ADAMTS12: variants seen among roughly 807,000 people sequenced by gnomAD.
ADAMTS12 encodes the protein ADAM metallopeptidase with thrombospondin type 1 motif 12.
Under a neutral mutation model 167.8 loss-of-function variants are expected in ADAMTS12, and 118 were observed. The ratio of observed to expected loss-of-function variants is 0.70; its 90% CI spans 0.61 to 0.82. The LOEUF is 0.82. Among genes scored for constraint, ADAMTS12 ranks in the 40% least tolerant of loss-of-function variants. The probability of loss-of-function intolerance (pLI) is 0.00; values close to 1 mark genes in which losing one functional copy is unlikely to be tolerated. For synonymous variants in ADAMTS12, 704 were observed against 716.9 expected, an observed-to-expected ratio of 0.98 and a Z score of 0.29; for missense variants, 1,916 against 1,998.8, an observed-to-expected ratio of 0.96 and a Z score of 0.79.
chr5:33,728,217 G>T (rs1370216744), intron 3 of ADAMTS12, among the ~76,000 whole-genome samples: 1 of 152,112 alleles, frequency 6.6e-6, no homozygotes, highest in Non-Finnish European at 1.5e-5. Flanking sequence ...GAGGCAGAAG[G>T]ACATTATCCC....
chr5:33,714,820 G>A lies in ADAMTS12; in HGVS notation c.635-30765C>T, dbSNP rs553191284. Among the ~76,000 whole-genome samples the A allele has an allele frequency of 2.6e-5, 4 of 152,158 alleles. No individual in the cohort carries two copies. In the East Asian group the frequency reaches 7.7e-4, roughly 29 times the overall value. On this transcript the variant is annotated intron_variant, in intron 3 of 23. Coordinates refer to ENST00000504830, the MANE Select transcript of ADAMTS12 (RefSeq NM_030955.4). ...GGGCAGAGGGAAGGCAGAGTATGAA[G>A]AGAAGTTGGTTAATGGGTACAGACA... is the stretch of plus-strand genomic sequence containing the variant.
At chr5:33,877,668 C>T (rs553980577) in intron 2 of ADAMTS12, among the ~76,000 whole-genome samples, 1 of 152,216 alleles carries the variant, frequency 6.6e-6, no homozygotes, top group South Asian at 2.1e-4. Flanking sequence ...GCTGCTGAGC[C>T]GAGACACGGG....
chr5:33,839,631 T>TCCAACAACATCAAGCTTCTTGCCTC (rs1748669471), intron 2 of ADAMTS12, among the ~76,000 whole-genome samples: 1 of 152,156 alleles, frequency 6.6e-6, no homozygotes. Context: ...TTTCTTGGTT[T>TCCAACAACATCAAGCTTCTTGCCTC]CCACCAACAT....
At chr5:33,720,572 G>A (rs188933306) in intron 3 of ADAMTS12, among the ~76,000 whole-genome samples, 1 of 152,316 alleles carries the variant, frequency 6.6e-6, no homozygotes, top group Admixed American at 6.5e-5. Context: ...GAGAGAAGCT[G>A]AGGTGAGCAG....
At chr5:33,880,792 G>A (rs949841610) in intron 2 of ADAMTS12, 7 of 287,630 alleles carry the variant, frequency 2.4e-5, no homozygotes, top group African/African-American at 1.3e-4. Flanking sequence ...TGTCCAGCCA[G>A]TCAGTTGCCT....
chr5:33,649,910 T>A (rs936247025), intron 7 of ADAMTS12, among the ~76,000 whole-genome samples: 5 of 152,224 alleles, frequency 3.3e-5, no homozygotes, highest in East Asian at 3.9e-4. Context: ...TTACCTCAAA[T>A]ATGCATCCAT....
At chr5:33,802,478 G>A (rs77497033) in intron 2 of ADAMTS12, among the ~76,000 whole-genome samples, 2,873 of 152,284 alleles carry the variant, frequency 0.019, 103 homozygotes, top group African/African-American at 0.066. Context: ...CTGCTCCACA[G>A]GATGGACCAC....
chr5:33,774,745 T>G (rs1745857659), intron 2 of ADAMTS12, among the ~76,000 whole-genome samples: 1 of 152,238 alleles, frequency 6.6e-6, no homozygotes, highest in Non-Finnish European at 1.5e-5. Context: ...TGTATCTGTC[T>G]TGGCATTCTT....
intron 2 of ADAMTS12, among the ~76,000 whole-genome samples, chr5:33,873,940 G>C (rs1179022562): frequency 2.0e-5 from 3 of 152,086 alleles, no homozygotes; most frequent in Non-Finnish European, 4.4e-5. Context: ...CTGGATGACA[G>C]AGTTAAATGT....
At chr5:33,614,886 T>C (rs2112094555) in intron 15 of ADAMTS12, among the ~76,000 whole-genome samples, 1 of 152,350 alleles carries the variant, frequency 6.6e-6, no homozygotes, top group Non-Finnish European at 1.5e-5. Flanking sequence ...GAACAGTGGC[T>C]CAGCGAATGT....
chr5:33,831,402 T>C (rs1325880141), intron 2 of ADAMTS12, among the ~76,000 whole-genome samples: 1 of 152,236 alleles, frequency 6.6e-6, no homozygotes, highest in Non-Finnish European at 1.5e-5. Flanking sequence ...TCTTAAAGGA[T>C]GGTGAGTTAC....
rs138547259 is a variant in ADAMTS12 at position 33,798,072 on chromosome 5, T to C, written c.490-46524A>G. ...TTCAAAGAACTGACTATCCTTCTCG[T>C]TCCTAAATATGAAGGAAATTTCTGA... On this transcript the variant is annotated intron_variant, in intron 2 of 23. Transcript: ENST00000504830. 4.3e-3 allele frequency among the ~76,000 whole-genome samples: 653 copies of C among 152,326 alleles called. 3 individuals are homozygous for C. The highest frequency in any genetic ancestry group is 0.015 in the African/African-American group (621 of 41,580).
chr5:33,797,667 C>T (rs934670990), intron 2 of ADAMTS12, among the ~76,000 whole-genome samples: 4 of 151,964 alleles, frequency 2.6e-5, no homozygotes, highest in African/African-American at 9.7e-5. Flanking sequence ...TAAATAATAC[C>T]TTACTTACTT....
intron 13 of ADAMTS12, among the ~76,000 whole-genome samples, chr5:33,626,728 G>A (rs975236922): frequency 6.7e-6 from 1 of 149,920 alleles, no homozygotes; most frequent in Admixed American, 6.7e-5. Context: ...GTAGTGATTT[G>A]ATGGTAATGG....
intron 16 of ADAMTS12, among the ~76,000 whole-genome samples, chr5:33,610,367 A>G (rs1028131181): frequency 6.6e-5 from 10 of 152,192 alleles, no homozygotes; most frequent in African/African-American, 2.4e-4. Flanking sequence ...TTTTAATCAC[A>G]GCAACCACTG....
rs764644963 is a variant in ADAMTS12, at chr5:33,736,692, C to T, written c.634+14712G>A. 7.2e-5 allele frequency among the ~76,000 whole-genome samples: 11 copies of T among 152,274 alleles called. 1 individual carries two copies. The highest frequency in any genetic ancestry group is 2.1e-4 in the South Asian group (1 of 4,820). ...TTTTTCAATAACAAGTCTGGGTTGT[C>T]CTTTCACTCACACACATTATGAAAC... is the stretch of plus-strand genomic sequence containing the variant. On this transcript the variant is annotated intron_variant, in intron 3 of 23. Coordinates refer to ENST00000504830, the MANE Select transcript of ADAMTS12 (RefSeq NM_030955.4).
chr5:33,732,352 A>C (rs1297409691), intron 3 of ADAMTS12, among the ~76,000 whole-genome samples: 2 of 152,208 alleles, frequency 1.3e-5, no homozygotes, highest in Non-Finnish European at 2.9e-5. Context: ...ATCTTACATA[A>C]GAAGAGATAA....
intron 5 of ADAMTS12, among the ~76,000 whole-genome samples, chr5:33,682,733 C>G (rs1248590268): frequency 2.0e-5 from 3 of 152,132 alleles, no homozygotes; most frequent in African/African-American, 7.2e-5. Context: ...TAGTCTATTT[C>G]TTTTGCAGAA....
chr5:33,714,476 T>C (rs1387115872), intron 3 of ADAMTS12, among the ~76,000 whole-genome samples: 6 of 152,060 alleles, frequency 3.9e-5, no homozygotes. Flanking sequence ...AGGAAATCAG[T>C]ATGTCAAAGG....
Sources: gnomAD v4.1 joint callset for allele counts (sites outside exome capture counted in the v4.1 genomes callset) on GRCh38, gnomAD v4.1.1 for gene constraint, MANE v1.5 for transcripts, NCBI Gene and HGNC (gene_info 2026-07-23, HGNC 2026-07-21) for gene names.